RPTOR: variants seen among roughly 807,000 people sequenced by gnomAD.
RPTOR encodes the protein regulatory associated protein of MTOR complex 1, also known as regulatory-associated protein of mTOR.
RPTOR carries 21 observed loss-of-function variants against 169.9 expected under a neutral mutation model. The observed-to-expected ratio is 0.12, with a 90% CI of 0.09 to 0.18. RPTOR has a LOEUF of 0.18. RPTOR is among the 10% of genes least tolerant of loss of function. The probability of loss-of-function intolerance (pLI) is 1.00; values close to 1 mark genes in which losing one functional copy is unlikely to be tolerated. For synonymous variants in RPTOR, 732 were observed against 753.2 expected (o/e 0.97, Z 0.46); for missense variants, 1,133 against 1,855.9 (o/e 0.61, Z 7.16).
Position 80,892,709 on chromosome 17 carries a change from T to C in RPTOR, c.2102-20T>C. The stretch of plus-strand genomic sequence containing the variant: ...CCACCTGGAAGCCCATTGTAATTTG[T>C]CTTTCTCCTTCTTTCCCAGAGGGAG... On this transcript the variant is annotated intron_variant, in intron 18 of 33. Transcript: ENST00000306801. The C allele has an allele frequency of 6.2e-7, 1 of 1,610,398 alleles. No homozygotes were observed.
At chr17:80,796,934 T>G (rs2067107132) in intron 7 of RPTOR, among the ~76,000 whole-genome samples, 1 of 152,224 alleles carries the variant, frequency 6.6e-6, no homozygotes, top group Admixed American at 6.5e-5. Flanking sequence ...GAAATCCAGA[T>G]CTTTGCTCCA....
At chr17:80,828,749 G>C (rs1047930084) in intron 9 of RPTOR, among the ~76,000 whole-genome samples, 2 of 152,222 alleles carry the variant, frequency 1.3e-5, no homozygotes, top group South Asian at 2.1e-4. Context: ...GAAAGACAAG[G>C]ACAAATCAAG....
chr17:80,738,302 T>C (rs1181918600), intron 5 of RPTOR, among the ~76,000 whole-genome samples: 2 of 152,368 alleles, frequency 1.3e-5, no homozygotes, highest in African/African-American at 2.4e-5. Context: ...CCATCTTTAG[T>C]CTGCGCAGCT....
intron 26 of RPTOR, among the ~76,000 whole-genome samples, 180 bp downstream of exon 26, chr17:80,945,961 C>G (rs148562664): frequency 6.6e-6 from 1 of 152,298 alleles, no homozygotes; most frequent in East Asian, 1.9e-4. Flanking sequence ...GACCGAGCCC[C>G]ACCCACACCT....
In RPTOR at chr17:80,926,492, A is replaced by G. The variant is rs570177785; in HGVS notation, c.2919+1012A>G. Among the ~76,000 whole-genome samples, 28 of 152,362 alleles carry G rather than the reference A, an allele frequency of 1.8e-4. 1 individual carries two copies. The South Asian group carries it at 5.6e-3, about 30-fold the overall frequency. On this transcript the variant is annotated intron_variant, in intron 24 of 33. Coordinates refer to ENST00000306801, the MANE Select transcript of RPTOR (RefSeq NM_020761.3). ...GCTAAAATACTGTCTTGAGAAAATA[A>G]TCAGAGATGTAGATGACTTCCGTGT...
chr17:80,904,547 T>C (rs1455397196), intron 20 of RPTOR, among the ~76,000 whole-genome samples: 1 of 152,212 alleles, frequency 6.6e-6, no homozygotes, highest in East Asian at 1.9e-4. Context: ...CCATTCATTA[T>C]GATCTTTTAT....
At chr17:80,665,575 C>T (rs963493819) in intron 3 of RPTOR, among the ~76,000 whole-genome samples, 31 of 148,190 alleles carry the variant, frequency 2.1e-4, no homozygotes, top group Non-Finnish European at 3.4e-4. Context: ...GACAGAGTCT[C>T]GTTCTGTCAC....
chr17:80,813,322 A>T (rs1439801065), intron 7 of RPTOR, among the ~76,000 whole-genome samples: 2 of 152,250 alleles, frequency 1.3e-5, no homozygotes, highest in Non-Finnish European at 2.9e-5. Context: ...CTTAAGAAAA[A>T]GTATTTTCAC....
intron 3 of RPTOR, among the ~76,000 whole-genome samples, chr17:80,689,116 A>G (rs144984063): frequency 2.6e-5 from 4 of 152,350 alleles, no homozygotes; most frequent in African/African-American, 9.6e-5. Flanking sequence ...AAACGGTTTC[A>G]TATGTATGGA....
At chr17:80,925,292 C>T (rs1419201045) in intron 23 of RPTOR, 78 bp from the exon 24 acceptor site, 5 of 1,263,862 alleles carry the variant, frequency 4.0e-6, no homozygotes, top group East Asian at 4.8e-5. Context: ...TCCCCAGCTG[C>T]AGCTCTTTTG....
intron 3 of RPTOR, among the ~76,000 whole-genome samples, chr17:80,665,419 TTTCC>T (rs1567846206): frequency 8.1e-4 from 10 of 12,394 alleles, no homozygotes; most frequent in African/African-American, 1.0e-3. Context: ...TTTCCTTTCC[TTTCC>T]TTTCCTTTCC....
intron 28 of RPTOR, among the ~76,000 whole-genome samples, chr17:80,953,892 G>C (rs559535711): frequency 6.6e-6 from 1 of 152,356 alleles, no homozygotes; most frequent in South Asian, 2.1e-4. Context: ...GCTGCAAGTT[G>C]AAAGCCTGTG....
intron 20 of RPTOR, among the ~76,000 whole-genome samples, chr17:80,895,631 C>T (rs1344438560): frequency 3.3e-5 from 5 of 152,264 alleles, no homozygotes; most frequent in Non-Finnish European, 5.9e-5. Context: ...CTCTCGCCAC[C>T]TTGCCTCAGA....
At chr17:80,780,802 C>T (rs948373509) in intron 6 of RPTOR, among the ~76,000 whole-genome samples, 1 of 152,184 alleles carries the variant, frequency 6.6e-6, no homozygotes, top group African/African-American at 2.4e-5. Context: ...CACACAGCCC[C>T]TCCGGCTCCC....
chr17:80,776,678 A>G (rs571759982), intron 6 of RPTOR, among the ~76,000 whole-genome samples: 32 of 152,322 alleles, frequency 2.1e-4, no homozygotes, highest in African/African-American at 7.7e-4. Flanking sequence ...CAAATCACAC[A>G]TATATGAAAG....
rs763806401 is a variant in RPTOR at position 80,880,489 on chromosome 17, A to G, written c.1584A>G (p.Pro528=). 6.2e-7 allele frequency: 1 copy of G among 1,613,500 alleles called. No homozygotes were observed. The highest frequency in any genetic ancestry group is 8.5e-7 in the Non-Finnish European group (1 of 1,179,964). The change falls in exon 14 of 34, where the codon CCA becomes CCG. Residue 528 remains proline (P), a splice_region_variant and synonymous_variant. Transcript: ENST00000306801. ...FLSVLADPYM[P]AEHRTMTAFI... ...CGGTCCTGGCGGACCCCTACATGCC[A>G]GTAAGGACGGGGCAGCACGCTCTCC...
intron 5 of RPTOR, among the ~76,000 whole-genome samples, chr17:80,747,216 A>T (rs1205274993): frequency 6.6e-6 from 1 of 152,214 alleles, no homozygotes; most frequent in African/African-American, 2.4e-5. Flanking sequence ...ACTCCCTCTC[A>T]AAAACAAAAA....
At chr17:80,827,340 G>T (rs1273486722) in intron 9 of RPTOR, among the ~76,000 whole-genome samples, 1 of 152,220 alleles carries the variant, frequency 6.6e-6, no homozygotes, top group Non-Finnish European at 1.5e-5. Flanking sequence ...ACAGCACGTG[G>T]CCTCCAGATC....
chr17:80,623,599 C>T (rs4889871), intron 1 of RPTOR, among the ~76,000 whole-genome samples: 5 of 151,572 alleles, frequency 3.3e-5, no homozygotes, highest in South Asian at 2.1e-4. Context: ...GCAGTGGTAC[C>T]GTCTCGGCTC....
Sources: allele counts gnomAD v4.1 joint callset (sites outside exome capture counted in the v4.1 genomes callset), GRCh38; gene constraint gnomAD v4.1.1; transcripts MANE v1.5; gene names NCBI Gene and HGNC (gene_info 2026-07-23, HGNC 2026-07-21).